The following PLPPR5 variants were observed in gnomAD, a reference collection of about 807,000 sequenced individuals.
PLPPR5 encodes phospholipid phosphatase related 5.
Under a neutral mutation model 33.9 loss-of-function variants are expected in PLPPR5, and 16 were observed. The observed-to-expected ratio is 0.47, with a 90% confidence interval of 0.32 to 0.72. The LOEUF (loss-of-function observed/expected upper bound fraction) is 0.72, where lower values mean the gene tolerates loss of function less well. PLPPR5 is among the 30% of genes least tolerant of loss of function. PLPPR5 has a pLI of 0.03. For synonymous variants in PLPPR5, 163 were observed against 150.3 expected, an observed-to-expected ratio of 1.08 and a Z score of -0.62; for missense variants, 301 against 406.7, an observed-to-expected ratio of 0.74 and a Z score of 2.23.
At chr1:98,936,626 G>A (rs998110833) in intron 3 of PLPPR5, among the ~76,000 whole-genome samples, 5 of 152,212 alleles carry the variant, frequency 3.3e-5, no homozygotes, top group Admixed American at 6.5e-5. Context: ...GTAGGAGGAC[G>A]TGTGGGGTCT....
At chr1:98,916,632 A>G (rs1649362864) in intron 4 of PLPPR5, among the ~76,000 whole-genome samples, 1 of 152,220 alleles carries the variant, frequency 6.6e-6, no homozygotes, top group Non-Finnish European at 1.5e-5. Flanking sequence ...TTCTTTACAA[A>G]GATAGGCAGC....
chr1:98,898,400 CTGTT>C (rs772537002), intron 5 of PLPPR5, among the ~76,000 whole-genome samples: 21 of 152,252 alleles, frequency 1.4e-4, no homozygotes, highest in African/African-American at 4.8e-4. Flanking sequence ...AATATTGTCC[CTGTT>C]TATTTTGCGA....
intron 4 of PLPPR5, among the ~76,000 whole-genome samples, chr1:98,915,864 A>T (rs1649325205): frequency 6.6e-6 from 1 of 152,222 alleles, no homozygotes; most frequent in Non-Finnish European, 1.5e-5. Flanking sequence ...ATAATGAATT[A>T]AACATACCAG....
chr1:98,959,550 C>T (rs1651150121), intron 1 of PLPPR5, among the ~76,000 whole-genome samples: 1 of 152,160 alleles, frequency 6.6e-6, no homozygotes, highest in Non-Finnish European at 1.5e-5. Context: ...CAGCTGTCAC[C>T]ATTTCATTCT....
At chr1:98,922,189 G>T in intron 3 of PLPPR5, 131 bp from the exon 4 acceptor site, 1 of 854,344 alleles carries the variant, frequency 1.2e-6, no homozygotes, top group Non-Finnish European at 1.7e-6. Flanking sequence ...ATTAACTGGA[G>T]TTTATGAAGT....
intron 5 of PLPPR5, among the ~76,000 whole-genome samples, chr1:98,914,287 C>G (rs2101151866): frequency 6.6e-6 from 1 of 152,174 alleles, no homozygotes; most frequent in African/African-American, 2.4e-5. Flanking sequence ...GGAAGACAAA[C>G]AGATATTTTA....
intron 4 of PLPPR5, 93 bp downstream of exon 4, chr1:98,921,785 CATTT>C: frequency 1.0e-6 from 1 of 978,926 alleles, no homozygotes; most frequent in Non-Finnish European, 1.5e-6. Flanking sequence ...TGATATACTA[CATTT>C]AGACAAACCC....
chr1:98,908,774 G>T (rs1649004987), intron 5 of PLPPR5, among the ~76,000 whole-genome samples: 1 of 152,156 alleles, frequency 6.6e-6, no homozygotes, highest in Non-Finnish European at 1.5e-5. Context: ...GGGCATGAAG[G>T]TGTGAGAGCT....
rs891709093 is a variant in PLPPR5 at position 98,890,802 on chromosome 1, T to G, written c.*2270A>C. The G allele has an allele frequency of 6.6e-6, 1 of 152,588 alleles. No individual in the cohort carries two copies. The highest frequency in any genetic ancestry group is 1.5e-5 in the Non-Finnish European group (1 of 68,018). 9.5% of individuals were successfully genotyped at this position (152,588 alleles called of 1,614,324 possible). The stretch of plus-strand genomic sequence containing the variant: ...TGACAGCATCACTCACTGTACAATC[T>G]TGAGCCTATGATGTGTAAATAGTAG... On this transcript the variant is annotated 3_prime_UTR_variant, in exon 6 of 6. Transcript: ENST00000263177.
intron 3 of PLPPR5, among the ~76,000 whole-genome samples, chr1:98,946,062 G>A (rs1346405130): frequency 6.6e-6 from 1 of 152,094 alleles, no homozygotes; most frequent in Non-Finnish European, 1.5e-5. Flanking sequence ...ATCAGTATAA[G>A]GGCTCTCAAT....
chr1:98,906,964 A>T (rs1648922547), intron 5 of PLPPR5, among the ~76,000 whole-genome samples: 1 of 151,932 alleles, frequency 6.6e-6, no homozygotes, highest in African/African-American at 2.4e-5. Context: ...TTTAATTCTC[A>T]TTTTTTATTA....
intron 1 of PLPPR5, among the ~76,000 whole-genome samples, chr1:98,989,887 G>C (rs1652390681): frequency 6.6e-6 from 1 of 152,098 alleles, no homozygotes; most frequent in Admixed American, 6.6e-5. Flanking sequence ...AACTCACTCT[G>C]TTTTATAGAA....
In PLPPR5 at chr1:98,991,177, C is replaced by A. The variant is rs143811127; in HGVS notation, c.237+13258G>T. 1.4e-3 allele frequency: 214 copies of A among 151,948 alleles called. 4 individuals are homozygous for A. Among genetic ancestry groups the A allele is most frequent in the African/African-American group, 4.9e-3 (202 of 41,438 alleles). The allele number at this position is 151,948 out of a possible 1,614,324, so 9.4% of individuals were successfully genotyped here. On this transcript the variant is annotated intron_variant, in intron 1 of 5. Coordinates refer to ENST00000263177, the MANE Select transcript of PLPPR5 (RefSeq NM_001037317.2). ...GGAGTGTTCTCTTAAGGTTTAGAAG[C>A]CCAGCTTAGTCTCAGCAGGAGAGAA...
chr1:98,914,975 C>T, intron 4 of PLPPR5, 55 bp from the exon 5 acceptor site: 1 of 1,561,868 alleles, frequency 6.4e-7, no homozygotes. Flanking sequence ...CTGTGACTTT[C>T]AGCCTTTTGA....
intron 3 of PLPPR5, among the ~76,000 whole-genome samples, chr1:98,932,620 G>A (rs1650020111): frequency 6.6e-6 from 1 of 152,140 alleles, no homozygotes; most frequent in Non-Finnish European, 1.5e-5. Flanking sequence ...TTTTGGAAAT[G>A]ACCTCTAAGA....
chr1:98,991,587 C>A (rs1474466825), intron 1 of PLPPR5, among the ~76,000 whole-genome samples: 2 of 152,112 alleles, frequency 1.3e-5, no homozygotes, highest in African/African-American at 4.8e-5. Context: ...GTTAAAGATT[C>A]TCAGTTCAAG....
At chr1:98,936,245 C>T (rs1337352448) in intron 3 of PLPPR5, among the ~76,000 whole-genome samples, 2 of 152,150 alleles carry the variant, frequency 1.3e-5, no homozygotes, top group Non-Finnish European at 2.9e-5. Context: ...TTATTATTCA[C>T]ACAAATACAG....
intron 4 of PLPPR5, 113 bp downstream of exon 4, chr1:98,921,769 T>A (rs1283168644): frequency 1.3e-6 from 1 of 796,152 alleles, no homozygotes; most frequent in Non-Finnish European, 2.0e-6. Flanking sequence ...AAATGAATGA[T>A]TTGTTTGATA....
At chr1:98,931,955 A>T (rs548368415) in intron 3 of PLPPR5, among the ~76,000 whole-genome samples, 1 of 152,256 alleles carries the variant, frequency 6.6e-6, no homozygotes, top group Middle Eastern at 3.4e-3. Flanking sequence ...AATATTTAGG[A>T]TGTTAAACTG....
Sources: gnomAD v4.1 joint callset for allele counts (sites outside exome capture counted in the v4.1 genomes callset) on GRCh38, gnomAD v4.1.1 for gene constraint, MANE v1.5 for transcripts, NCBI Gene and HGNC (gene_info 2026-07-23, HGNC 2026-07-21) for gene names.